The following ARMH4 variants were observed in gnomAD, a reference collection of about 807,000 sequenced individuals.
The protein encoded by ARMH4 is armadillo like helical domain containing 4.
ARMH4 carries 49 observed loss-of-function variants against 61.9 expected under a neutral mutation model. The ratio of observed to expected loss-of-function variants is 0.79; its 90% CI spans 0.63 to 1.00. The LOEUF is 1.00. Among genes scored for constraint, ARMH4 ranks in the 50% least tolerant of loss-of-function variants. The probability of loss-of-function intolerance (pLI) is 0.00; values close to 1 mark genes in which losing one functional copy is unlikely to be tolerated. For missense variants in ARMH4, 934 were observed against 930.0 expected (o/e 1.00, Z -0.06); for synonymous variants, 368 against 341.5 (o/e 1.08, Z -0.85).
chr14:58,009,839 G>GA (rs1882330051), intron 6 of ARMH4, among the ~76,000 whole-genome samples: 1 of 144,486 alleles, frequency 6.9e-6, no homozygotes. Context: ...GAGAGAGAGA[G>GA]AGAGATAACA....
intron 5 of ARMH4, among the ~76,000 whole-genome samples, chr14:58,027,512 G>C (rs1357672084): frequency 6.6e-6 from 1 of 151,934 alleles, no homozygotes; most frequent in Non-Finnish European, 1.5e-5. Context: ...TGTCTTGAAA[G>C]TCATAGGCTA....
At chr14:58,087,667 T>TGC (rs1232733649) in intron 5 of ARMH4, among the ~76,000 whole-genome samples, 30 of 152,294 alleles carry the variant, frequency 2.0e-4, no homozygotes, top group Admixed American at 4.6e-4. Context: ...GAAGCTTCAG[T>TGC]GCTGTCTGCC....
intron 4 of ARMH4, among the ~76,000 whole-genome samples, chr14:58,118,429 G>C (rs962256067): frequency 3.3e-5 from 5 of 151,158 alleles, no homozygotes; most frequent in African/African-American, 1.2e-4. Context: ...ACGTATGCAG[G>C]GGGTAGGGGC....
intron 4 of ARMH4, among the ~76,000 whole-genome samples, chr14:58,130,159 C>G (rs1184935558): frequency 6.6e-6 from 1 of 152,130 alleles, no homozygotes. Flanking sequence ...CAGATGGCAT[C>G]AAGGAGAGCA....
At chr14:58,035,859 G>A (rs1883462862) in intron 5 of ARMH4, among the ~76,000 whole-genome samples, 1 of 140,830 alleles carries the variant, frequency 7.1e-6, no homozygotes, top group Non-Finnish European at 1.6e-5. Context: ...GGAAGAAGTT[G>A]AATCTCTGAA....
chr14:58,151,643 C>T (rs1245183873), intron 1 of ARMH4, among the ~76,000 whole-genome samples: 3 of 152,244 alleles, frequency 2.0e-5, no homozygotes, highest in African/African-American at 7.2e-5. Context: ...ACACTGCGAT[C>T]GACGGTTTGA....
At chr14:58,112,680 T>C (rs1342528718) in intron 4 of ARMH4, among the ~76,000 whole-genome samples, 1 of 152,220 alleles carries the variant, frequency 6.6e-6, no homozygotes. Flanking sequence ...TGCAATGCCT[T>C]CATAAGTTCC....
intron 5 of ARMH4, among the ~76,000 whole-genome samples, chr14:58,042,431 C>G (rs1295716508): frequency 6.6e-6 from 1 of 152,116 alleles, no homozygotes; most frequent in African/African-American, 2.4e-5. Flanking sequence ...ACCAGAATCT[C>G]TGGGACACAT....
At chr14:58,130,849 C>G (rs1289422773) in intron 4 of ARMH4, among the ~76,000 whole-genome samples, 1 of 152,186 alleles carries the variant, frequency 6.6e-6, no homozygotes, top group East Asian at 1.9e-4. Flanking sequence ...CCAAGAAAAT[C>G]TGGTGGGGAA....
chr14:58,009,376 A>G (rs1042838543), intron 6 of ARMH4, among the ~76,000 whole-genome samples: 3 of 152,148 alleles, frequency 2.0e-5, no homozygotes, highest in Non-Finnish European at 2.9e-5. Flanking sequence ...GCACATAGCT[A>G]AGTCAGAAGT....
chr14:58,089,823 C>A (rs1885500431), intron 5 of ARMH4, among the ~76,000 whole-genome samples: 1 of 152,142 alleles, frequency 6.6e-6, no homozygotes, highest in Non-Finnish European at 1.5e-5. Context: ...CAAAGCAAGC[C>A]CTGGTGATAA....
At chr14:58,102,069 G>GCTCA (rs1476168724) in intron 4 of ARMH4, among the ~76,000 whole-genome samples, 1 of 152,190 alleles carries the variant, frequency 6.6e-6, no homozygotes, top group African/African-American at 2.4e-5. Flanking sequence ...ATCACTGGGA[G>GCTCA]CTCACCTCAA....
chr14:58,112,883 G>T (rs557679683), intron 4 of ARMH4, among the ~76,000 whole-genome samples: 2 of 151,976 alleles, frequency 1.3e-5, no homozygotes, highest in South Asian at 4.2e-4. Flanking sequence ...TTTTCCCCTG[G>T]CTTTTTTCCT....
At chr14:58,148,880 C>T (rs1212343512) in intron 1 of ARMH4, among the ~76,000 whole-genome samples, 2 of 150,794 alleles carry the variant, frequency 1.3e-5, no homozygotes, top group South Asian at 2.1e-4. Context: ...CACACACACA[C>T]GCAACAGACC....
intron 5 of ARMH4, among the ~76,000 whole-genome samples, chr14:58,035,106 T>A (rs1299126357): frequency 6.7e-6 from 1 of 148,464 alleles, no homozygotes; most frequent in East Asian, 2.0e-4. Flanking sequence ...TATACATTTT[T>A]TTCAGCACCA....
At chr14:58,131,458 C>T (rs1566594907) in intron 4 of ARMH4, 54 bp downstream of exon 4, 1 of 1,406,318 alleles carries the variant, frequency 7.1e-7, no homozygotes, top group South Asian at 1.2e-5. Flanking sequence ...AAAACATTTG[C>T]TCAGTGACTC....
chr14:58,041,544 C>G (rs1222246617), intron 5 of ARMH4, among the ~76,000 whole-genome samples: 2 of 152,112 alleles, frequency 1.3e-5, no homozygotes, highest in African/African-American at 4.8e-5. Context: ...AACTAACAAG[C>G]AAAATAACCA....
chr14:58,013,070 ATAAG>A (rs2141135116), intron 5 of ARMH4, among the ~76,000 whole-genome samples: 1 of 152,370 alleles, frequency 6.6e-6, no homozygotes, highest in South Asian at 2.1e-4. Context: ...AACAAAAGAA[ATAAG>A]TGTAAAAAAA....
At chr14:58,055,321 C>T (rs1594726566) in intron 5 of ARMH4, among the ~76,000 whole-genome samples, 1 of 152,140 alleles carries the variant, frequency 6.6e-6, no homozygotes, top group African/African-American at 2.4e-5. Context: ...CTACTCACCA[C>T]GTGGAATGAA....
Sources: gnomAD v4.1 joint callset for allele counts (sites outside exome capture counted in the v4.1 genomes callset) on GRCh38, gnomAD v4.1.1 for gene constraint, MANE v1.5 for transcripts, NCBI Gene and HGNC (gene_info 2026-07-23, HGNC 2026-07-21) for gene names.